Variants in KDM4C observed in about 807,000 individuals in gnomAD.
KDM4C encodes the protein lysine demethylase 4C.
In KDM4C, 81 loss-of-function variants were observed where a neutral mutation model predicts 129.3. The ratio of observed to expected loss-of-function variants is 0.63; its 90% CI spans 0.52 to 0.75. The LOEUF (loss-of-function observed/expected upper bound fraction) is 0.75. KDM4C is among the 30% of genes least tolerant of loss of function. The pLI is 0.00. For missense variants in KDM4C, 1,457 were observed against 1,304.0 expected (o/e 1.12, Z -1.81); for synonymous variants, 573 against 456.1 (o/e 1.26, Z -3.26).
At chr9:7,174,250 A>ACCTCGCTGGGCAAGAGC (rs58627414) in intron 21 of KDM4C, among the ~76,000 whole-genome samples, 31 of 148,778 alleles carry the variant, frequency 2.1e-4, no homozygotes, top group Non-Finnish European at 4.4e-4. Context: ...TTTGTCAAAA[A>ACCTCGCTGGGCAAGAGC]CAGAGGGGAG....
intron 4 of KDM4C, among the ~76,000 whole-genome samples, chr9:6,843,663 C>T (rs1283480261): frequency 6.6e-6 from 1 of 152,178 alleles, no homozygotes; most frequent in Admixed American, 6.5e-5. Context: ...GTGGAGCCAG[C>T]ATTTGGTTGG....
chr9:7,083,387 C>G (rs775623813), intron 17 of KDM4C, among the ~76,000 whole-genome samples: 16 of 152,184 alleles, frequency 1.1e-4, no homozygotes, highest in Admixed American at 9.8e-4. Context: ...GTGTGCATTG[C>G]TTAACAATGG....
At chr9:6,849,457 A>T (rs200827323) in intron 4 of KDM4C, 50 bp from the exon 5 acceptor site, 1 of 1,424,472 alleles carries the variant, frequency 7.0e-7, no homozygotes, top group Non-Finnish European at 9.5e-7. Flanking sequence ...GCTATCTTTC[A>T]TGGTTTAGTA....
chr9:7,157,241 A>G (rs1194372993), intron 19 of KDM4C, among the ~76,000 whole-genome samples: 2 of 152,208 alleles, frequency 1.3e-5, no homozygotes, highest in East Asian at 3.8e-4. Context: ...TATCAGCTTA[A>G]GGAGATTTTG....
chr9:7,168,653 T>A (rs1022501826), intron 20 of KDM4C, among the ~76,000 whole-genome samples: 5 of 152,224 alleles, frequency 3.3e-5, no homozygotes, highest in African/African-American at 1.2e-4. Context: ...GTTAGGAGGT[T>A]GAGAAACAGA....
chr9:6,773,297 T>G (rs1006449183), intron 1 of KDM4C, among the ~76,000 whole-genome samples: 44 of 152,206 alleles, frequency 2.9e-4, no homozygotes, highest in African/African-American at 9.7e-4. Context: ...CCAGCCACAA[T>G]GTGCAAATGC....
At chr9:7,101,071 AG>A (rs1165258385) in intron 17 of KDM4C, among the ~76,000 whole-genome samples, 1 of 152,122 alleles carries the variant, frequency 6.6e-6, no homozygotes, top group Non-Finnish European at 1.5e-5. Context: ...GGGCCTGGAT[AG>A]ATGGTAGCAG....
Position 7,043,498 on chromosome 9 carries a change from G to A in KDM4C, c.2260-3364G>A, listed in dbSNP as rs117400991. Among the ~76,000 whole-genome samples the A allele has an allele frequency of 2.2e-4, 33 of 152,088 alleles. 1 individual carries two copies. In the East Asian group the frequency reaches 6.4e-3, roughly 29 times the overall value. On this transcript the variant is annotated intron_variant, in intron 15 of 21. Transcript: ENST00000381309. Reference sequence around the variant, plus strand: ...GTACTATTTAAAAAAGGAAAGAAAGGTTAAAAATTGTCTTATCTGTTATGT... The same window carrying A: ...GTACTATTTAAAAAAGGAAAGAAAGATTAAAAATTGTCTTATCTGTTATGT...
intron 5 of KDM4C, among the ~76,000 whole-genome samples, chr9:6,866,111 C>A (rs917297071): frequency 2.6e-5 from 4 of 151,888 alleles, no homozygotes; most frequent in African/African-American, 9.7e-5. Context: ...TCTCGGACTC[C>A]TGACCTCAGG....
chr9:7,024,298 T>TC (rs1324872693), intron 15 of KDM4C, among the ~76,000 whole-genome samples: 1 of 151,574 alleles, frequency 6.6e-6, no homozygotes, highest in African/African-American at 2.4e-5. Context: ...CGTTTTTTTT[T>TC]TTTAATTTTC....
rs112099915 is a variant in KDM4C, at chr9:6,880,156, G to A, written c.679+95G>A. The stretch of plus-strand genomic sequence containing the variant: ...TGAGGTACTTTTTACAATATAGACC[G>A]TTACTCTGTTGGTTTTATTCTATTC... On this transcript the variant is annotated intron_variant, in intron 6 of 21. Coordinates refer to ENST00000381309, the MANE Select transcript of KDM4C (RefSeq NM_015061.6). 3,101 of 651,024 alleles carry A rather than the reference G, an allele frequency of 4.8e-3. 81 individuals are homozygous for A. The African/African-American group carries it at 0.052, about 11-fold the overall frequency. The allele number at this position is 651,024 out of a possible 1,614,324, so 40.3% of individuals were successfully genotyped here.
At chr9:7,001,670 G>A (rs1820744692) in intron 12 of KDM4C, among the ~76,000 whole-genome samples, 1 of 151,908 alleles carries the variant, frequency 6.6e-6, no homozygotes, top group South Asian at 2.1e-4. Context: ...ACTCCTATTA[G>A]TTGTTGGGTC....
chr9:7,124,926 A>C lies in KDM4C; in HGVS notation c.2611-3140A>C, dbSNP rs80136349. Reference sequence around the variant, plus strand: ...TTTCCCCTTTGTCCAAATCATGAGCATTCTTGTCCGCAGTTCCTTTCTTCA... The same window carrying C: ...TTTCCCCTTTGTCCAAATCATGAGCCTTCTTGTCCGCAGTTCCTTTCTTCA... On this transcript the variant is annotated intron_variant, in intron 18 of 21. Transcript: ENST00000381309. Among the ~76,000 whole-genome samples the C allele has an allele frequency of 7.4e-3, 1,119 of 152,152 alleles. 18 individuals carry two copies. The highest frequency in any genetic ancestry group is 0.026 in the African/African-American group (1,072 of 41,520).
chr9:6,807,065 G>GTTTTCGTATTT, intron 3 of KDM4C, among the ~76,000 whole-genome samples: 1 of 151,920 alleles, frequency 6.6e-6, no homozygotes, highest in Non-Finnish European at 1.5e-5. Context: ...CGCCTGACTG[G>GTTTTCGTATTT]TTTTGGTGGA....
chr9:6,877,162 C>T (rs1843688280), intron 5 of KDM4C, among the ~76,000 whole-genome samples: 1 of 152,130 alleles, frequency 6.6e-6, no homozygotes, highest in Admixed American at 6.5e-5. Context: ...GATTCTGCCT[C>T]TGTAATGGTA....
intron 1 of KDM4C, among the ~76,000 whole-genome samples, chr9:6,791,630 C>T (rs985329286): frequency 2.6e-5 from 4 of 152,212 alleles, no homozygotes; most frequent in African/African-American, 9.6e-5. Context: ...CTCTACTCAG[C>T]CTAGACTAGG....
intron 7 of KDM4C, among the ~76,000 whole-genome samples, chr9:6,890,895 T>A (rs147759073): frequency 7.2e-5 from 11 of 152,344 alleles, no homozygotes; most frequent in African/African-American, 2.6e-4. Flanking sequence ...ATAATGGAGC[T>A]TGAACCGTGC....
At chr9:7,079,738 A>G (rs749003088) in intron 17 of KDM4C, among the ~76,000 whole-genome samples, 5 of 152,230 alleles carry the variant, frequency 3.3e-5, no homozygotes, top group Non-Finnish European at 5.9e-5. Context: ...TTTATATAAT[A>G]GAGATTCCTA....
chr9:6,980,917 T>C lies in KDM4C; in HGVS notation c.922-8T>C, dbSNP rs762872528. On this transcript the variant is annotated splice_region_variant and splice_polypyrimidine_tract_variant and intron_variant, in intron 8 of 21. Coordinates refer to ENST00000381309, the MANE Select transcript of KDM4C (RefSeq NM_015061.6). ...CGTTTAACACTCTCCAACCCGGTTG[T>C]GTTTCAGTGCACTTGCAGGAAAGAC... The C allele has an allele frequency of 1.2e-6, 2 of 1,613,250 alleles. No individual in the cohort carries two copies. Among genetic ancestry groups the C allele is most frequent in the Non-Finnish European group, 1.7e-6 (2 of 1,179,582 alleles).
Sources: allele counts gnomAD v4.1 joint callset (sites outside exome capture counted in the v4.1 genomes callset), GRCh38; gene constraint gnomAD v4.1.1; transcripts MANE v1.5; gene names NCBI Gene and HGNC (gene_info 2026-07-23, HGNC 2026-07-21).